Variants in SPP1 observed in about 807,000 individuals in gnomAD.
SPP1 encodes secreted phosphoprotein 1, also known as osteopontin.
A neutral mutation model predicts 20.8 loss-of-function variants in SPP1; 18 were observed. The observed-to-expected ratio is 0.87, with a 90% CI of 0.60 to 1.29. SPP1 has a LOEUF of 1.29. SPP1 is among the 50% of genes most tolerant of loss of function. The probability of loss-of-function intolerance (pLI) is 0.00; values close to 1 mark genes in which losing one functional copy is unlikely to be tolerated. For missense variants in SPP1, 363 were observed against 389.0 expected, an observed-to-expected ratio of 0.93 and a Z score of 0.56; for synonymous variants, 146 against 141.5, an observed-to-expected ratio of 1.03 and a Z score of -0.23.
intron 3 of SPP1, 38 bp from the exon 4 acceptor site, chr4:87,980,006 TTC>T: frequency 6.3e-7 from 1 of 1,599,110 alleles, no homozygotes; most frequent in South Asian, 1.1e-5. Flanking sequence ...ATCCCTACAT[TTC>T]TTTTTTTAAT....
At chr4:87,976,775 T>C (rs1725393723) in intron 1 of SPP1, 107 bp from the exon 2 acceptor site, 1 of 714,074 alleles carries the variant, frequency 1.4e-6, no homozygotes, top group Non-Finnish European at 2.3e-6. Flanking sequence ...AAAGATTCTA[T>C]AGAAAATATA....
rs1309278443 is a variant in SPP1 at position 87,977,012 on chromosome 4, C to T, written c.55-47C>T. Reference sequence around the variant, plus strand: ...TAACTGAATTGTGTGCTTCCATGTGCTAGGAGGACATTCTTGTAATCTTTC... The same window carrying T: ...TAACTGAATTGTGTGCTTCCATGTGTTAGGAGGACATTCTTGTAATCTTTC... On this transcript the variant is annotated intron_variant, in intron 2 of 6. Transcript: ENST00000395080. 3.7e-6 allele frequency: 6 copies of T among 1,612,374 alleles called. No homozygotes were observed. In the East Asian group the frequency reaches 8.9e-5, roughly 24 times the overall value.
chr4:87,982,359 G>T (rs771278126), intron 6 of SPP1, 133 bp from the exon 7 acceptor site: 1 of 1,030,990 alleles, frequency 9.7e-7, no homozygotes, highest in Non-Finnish European at 1.4e-6. Context: ...AAAGTAACAT[G>T]CTAGTATTAT....
intron 3 of SPP1, among the ~76,000 whole-genome samples, chr4:87,979,161 CTTTT>C (rs10596032): frequency 0.16 from 17,514 of 107,030 alleles, 1,114 homozygotes; most frequent in East Asian, 0.28. Flanking sequence ...TTTTTATCTT[CTTTT>C]TTTTTTTTTT....
chr4:87,977,578 A>G (rs1578100642), intron 3 of SPP1: 3 of 873,142 alleles, frequency 3.4e-6, no homozygotes, highest in East Asian at 1.6e-4. Flanking sequence ...GTTTGTATCT[A>G]TTGTGATTGT....
rs761020120 is a variant in SPP1, at chr4:87,981,445, A to G, written c.217-30A>G. On this transcript the variant is annotated intron_variant, in intron 5 of 6. Coordinates refer to ENST00000395080, the MANE Select transcript of SPP1 (RefSeq NM_001040058.2). The stretch of plus-strand genomic sequence containing the variant: ...GCTAAGGGAAAATAAAAACCCATAT[A>G]TTAATTTTCCCGGCCATCTTAATTT... 5 of 1,591,662 alleles carry G rather than the reference A, an allele frequency of 3.1e-6. No individual in the cohort carries two copies. The Admixed American group carries it at 6.9e-5, about 22-fold the overall frequency.
At position 87,983,123 on chromosome 4, in the gene SPP1, G is replaced by C. The variant is rs572852871; in HGVS notation, c.*227G>C. ...GGGTTATGTCTATGTTCATTCTATAGAAGAAATGCAAACTATCACTGTATT... is the reference window on the plus strand; with the variant it reads ...GGGTTATGTCTATGTTCATTCTATACAAGAAATGCAAACTATCACTGTATT... On this transcript the variant is annotated 3_prime_UTR_variant, in exon 7 of 7. Coordinates refer to ENST00000395080, the MANE Select transcript of SPP1 (RefSeq NM_001040058.2). 1 of 431,408 alleles carries C rather than the reference G, an allele frequency of 2.3e-6. No homozygotes were observed. Among genetic ancestry groups the C allele is most frequent in the Admixed American group, 4.1e-5 (1 of 24,678 alleles). 26.7% of individuals were successfully genotyped at this position (431,408 alleles called of 1,614,324 possible).
chr4:87,978,424 C>A (rs1725491905), intron 3 of SPP1, among the ~76,000 whole-genome samples: 3 of 115,658 alleles, frequency 2.6e-5, no homozygotes, highest in African/African-American at 3.3e-5. Context: ...GAGACGGAGT[C>A]TCGCTCCGTC....
intron 5 of SPP1, 78 bp downstream of exon 5, chr4:87,980,512 T>A (rs1337137919): frequency 3.3e-6 from 5 of 1,492,640 alleles, no homozygotes; most frequent in Admixed American, 4.1e-5. Flanking sequence ...TCTCTTCTGA[T>A]GAAATTTCAT....
intron 4 of SPP1, 84 bp downstream of exon 4, chr4:87,980,210 C>A: frequency 2.0e-6 from 3 of 1,527,910 alleles, no homozygotes; most frequent in South Asian, 1.1e-5. Context: ...ATGAATCCTG[C>A]CTGCCTGCTG....
intron 4 of SPP1, 43 bp from the exon 5 acceptor site, chr4:87,980,350 A>G: frequency 6.2e-7 from 1 of 1,605,726 alleles, no homozygotes; most frequent in Non-Finnish European, 8.5e-7. Flanking sequence ...TAAAAAAGCT[A>G]GGCATGTGTG....
At chr4:87,981,861 T>G in intron 6 of SPP1, 63 bp downstream of exon 6, 1 of 1,400,094 alleles carries the variant, frequency 7.1e-7, no homozygotes, top group Non-Finnish European at 9.8e-7. Context: ...GAAACCACAG[T>G]TTGCATATTC....
At chr4:87,980,872 A>G (rs1395096280) in intron 5 of SPP1, among the ~76,000 whole-genome samples, 2 of 152,204 alleles carry the variant, frequency 1.3e-5, no homozygotes, top group African/African-American at 4.8e-5. Flanking sequence ...TTCAATTTGA[A>G]TATACTAAGA....
intron 3 of SPP1, among the ~76,000 whole-genome samples, chr4:87,978,517 G>A (rs1725499756): frequency 6.6e-6 from 1 of 151,152 alleles, no homozygotes; most frequent in African/African-American, 2.4e-5. Flanking sequence ...TGAGTAGCTG[G>A]GACTACAGGC....
chr4:87,982,346 T>C (rs1578103973), intron 6 of SPP1, 146 bp from the exon 7 acceptor site: 4 of 939,490 alleles, frequency 4.3e-6, no homozygotes, highest in African/African-American at 3.3e-5. Flanking sequence ...TAAAGTACTA[T>C]ACAAAGTAAC....
chr4:87,980,209 G>A (rs1157434171), intron 4 of SPP1, 83 bp downstream of exon 4: 6 of 1,532,392 alleles, frequency 3.9e-6, no homozygotes, highest in Non-Finnish European at 5.4e-6. Context: ...GATGAATCCT[G>A]CCTGCCTGCT....
intron 3 of SPP1, among the ~76,000 whole-genome samples, chr4:87,979,330 A>AT (rs1300398141): frequency 2.2e-4 from 33 of 149,572 alleles, no homozygotes; most frequent in African/African-American, 4.2e-4. Flanking sequence ...ACGCCCGGCT[A>AT]TTTTTTTTTA....
At position 87,982,495 on chromosome 4, in the gene SPP1, C is replaced by G; in HGVS notation, c.544C>G (p.Pro182Ala). Residue 182 changes from proline (P) to alanine (A), a missense_variant, in exon 7 of 7, where the codon CCT becomes GCT. Transcript: ENST00000395080. Reference protein sequence around the residue: ...KKFRRPDIQYPDATDEDITSH... With the variant: ...KKFRRPDIQYADATDEDITSH... ...CTTCATTTGTGCCGTGATTCAGTAC[C>G]CTGATGCTACAGACGAGGACATCAC... 6.2e-7 allele frequency: 1 copy of G among 1,612,628 alleles called. No individual in the cohort carries two copies. Among genetic ancestry groups the G allele is most frequent in the African/African-American group, 1.3e-5 (1 of 75,004 alleles).
At chr4:87,981,872 A>T (rs1725664795) in intron 6 of SPP1, 74 bp downstream of exon 6, 4 of 1,227,040 alleles carry the variant, frequency 3.3e-6, no homozygotes, top group Admixed American at 4.2e-5. Flanking sequence ...TTGCATATTC[A>T]TTCATTCATT....
Sources: allele counts gnomAD v4.1 joint callset (sites outside exome capture counted in the v4.1 genomes callset), GRCh38; gene constraint gnomAD v4.1.1; transcripts MANE v1.5; gene names NCBI Gene and HGNC (gene_info 2026-07-23, HGNC 2026-07-21).